The following TPD52L1 variants were observed in gnomAD, a reference collection of about 807,000 sequenced individuals.
TPD52L1 encodes the protein tumor protein D53.
TPD52L1 carries 18 observed loss-of-function variants against 28.7 expected under a neutral mutation model. The observed-to-expected ratio is 0.63, with a 90% CI of 0.43 to 0.93. TPD52L1 has a LOEUF of 0.93. Among genes scored for constraint, TPD52L1 ranks in the 40% least tolerant of loss-of-function variants. The probability of loss-of-function intolerance (pLI) is 0.00; values close to 1 mark genes in which losing one functional copy is unlikely to be tolerated. For missense variants in TPD52L1, 203 were observed against 254.8 expected (o/e 0.80, Z 1.39); for synonymous variants, 75 against 88.8 (o/e 0.84, Z 0.88).
intron 1 of TPD52L1, among the ~76,000 whole-genome samples, chr6:125,176,022 G>A (rs148004806): frequency 4.6e-5 from 7 of 152,158 alleles, no homozygotes; most frequent in African/African-American, 1.2e-4. Flanking sequence ...CAATGTAGCC[G>A]AATCCCATGG....
chr6:125,172,149 TTTCTTTC>T (rs1341872667), intron 1 of TPD52L1, among the ~76,000 whole-genome samples: 2 of 69,268 alleles, frequency 2.9e-5, no homozygotes, highest in Non-Finnish European at 5.2e-5. Flanking sequence ...TCTTTCTTTC[TTTCTTTC>T]TTTTCTTTCT....
chr6:125,198,064 T>C (rs1475425355), intron 1 of TPD52L1, among the ~76,000 whole-genome samples: 1 of 152,180 alleles, frequency 6.6e-6, no homozygotes, highest in Non-Finnish European at 1.5e-5. Flanking sequence ...TACCCTGGGC[T>C]TCAAGCCAAG....
rs1294850441 is a variant in TPD52L1, at chr6:125,253,773, T to G, written c.425+18T>G. ...GCTATGAGGTAATGTGTGTAAAATA[T>G]TTTATGTAATATTAATATGAAATGT... On this transcript the variant is annotated intron_variant, in intron 5 of 6. Transcript: ENST00000534000. The G allele has an allele frequency of 6.3e-7, 1 of 1,589,846 alleles. No individual in the cohort carries two copies. The highest frequency in any genetic ancestry group is 2.2e-5 in the East Asian group (1 of 44,764).
chr6:125,157,447 A>G (rs969119155), intron 1 of TPD52L1, among the ~76,000 whole-genome samples: 1 of 152,210 alleles, frequency 6.6e-6, no homozygotes. Context: ...CTAAACAGGA[A>G]GTGGGATTAT....
At chr6:125,172,534 A>AT (rs1562214386) in intron 1 of TPD52L1, among the ~76,000 whole-genome samples, 66 of 90,948 alleles carry the variant, frequency 7.3e-4, no homozygotes, top group Non-Finnish European at 1.0e-3. Context: ...ATATATATAT[A>AT]TATATATATA....
At chr6:125,212,611 AT>A (rs1382931733) in intron 1 of TPD52L1, among the ~76,000 whole-genome samples, 1 of 152,224 alleles carries the variant, frequency 6.6e-6, no homozygotes, top group Non-Finnish European at 1.5e-5. Flanking sequence ...ACTTGCCAAG[AT>A]TTTGCCTACA....
At chr6:125,178,654 AC>A (rs1288600609) in intron 1 of TPD52L1, among the ~76,000 whole-genome samples, 1 of 120,360 alleles carries the variant, frequency 8.3e-6, no homozygotes, top group Non-Finnish European at 1.8e-5. Flanking sequence ...ACAAAACAAA[AC>A]AAAATATATA....
chr6:125,250,672 T>C (rs1459393116), intron 4 of TPD52L1, among the ~76,000 whole-genome samples: 2 of 152,226 alleles, frequency 1.3e-5, no homozygotes, highest in Non-Finnish European at 2.9e-5. Flanking sequence ...GTTTCACATA[T>C]GCAATATGTT....
intron 1 of TPD52L1, among the ~76,000 whole-genome samples, chr6:125,219,476 A>G (rs1795086715): frequency 6.6e-6 from 1 of 152,164 alleles, no homozygotes; most frequent in African/African-American, 2.4e-5. Context: ...TCTAACCTCA[A>G]GGTTGTTGTG....
At chr6:125,156,301 C>CA (rs1433159506) in intron 1 of TPD52L1, among the ~76,000 whole-genome samples, 1 of 151,606 alleles carries the variant, frequency 6.6e-6, no homozygotes, top group Non-Finnish European at 1.5e-5. Flanking sequence ...CTCATCTCTA[C>CA]AAAAAATAAA....
intron 1 of TPD52L1, among the ~76,000 whole-genome samples, chr6:125,154,853 C>T (rs1291902168): frequency 3.3e-5 from 5 of 152,086 alleles, no homozygotes; most frequent in Non-Finnish European, 7.4e-5. Flanking sequence ...GGAGTTCAGC[C>T]TTTAAGGCAA....
At chr6:125,173,151 TTGTG>T (rs879857661) in intron 1 of TPD52L1, among the ~76,000 whole-genome samples, 7 of 152,000 alleles carry the variant, frequency 4.6e-5, no homozygotes, top group Non-Finnish European at 8.8e-5. Flanking sequence ...TGCTGTGTGT[TTGTG>T]TGTGTGTGAG....
intron 2 of TPD52L1, among the ~76,000 whole-genome samples, chr6:125,228,744 T>C (rs1304673765): frequency 6.6e-6 from 1 of 152,170 alleles, no homozygotes; most frequent in Admixed American, 6.5e-5. Context: ...AGAAAACCAA[T>C]TTTTGTTCAA....
chr6:125,156,798 A>T (rs1392608147), intron 1 of TPD52L1, among the ~76,000 whole-genome samples: 4 of 152,164 alleles, frequency 2.6e-5, no homozygotes, highest in Non-Finnish European at 5.9e-5. Context: ...GAGAATAACA[A>T]CAAAAAAACT....
chr6:125,258,348 C>T (rs1297742006), intron 6 of TPD52L1, among the ~76,000 whole-genome samples: 1 of 152,092 alleles, frequency 6.6e-6, no homozygotes, highest in African/African-American at 2.4e-5. Flanking sequence ...GTACAGGAAC[C>T]AATGGGAGCC....
At chr6:125,189,529 C>T (rs945501285) in intron 1 of TPD52L1, among the ~76,000 whole-genome samples, 2 of 152,184 alleles carry the variant, frequency 1.3e-5, no homozygotes, top group African/African-American at 4.8e-5. Flanking sequence ...GTATAAGACA[C>T]ATTTTTAGAT....
chr6:125,197,729 G>T (rs1321702304), intron 1 of TPD52L1, among the ~76,000 whole-genome samples: 2 of 152,092 alleles, frequency 1.3e-5, no homozygotes, highest in Non-Finnish European at 2.9e-5. Context: ...AGAGGTGAGG[G>T]GTTGCCCCAT....
intron 3 of TPD52L1, chr6:125,234,455 A>G (rs928281260): frequency 6.6e-6 from 1 of 152,196 alleles, no homozygotes; most frequent in African/African-American, 2.4e-5. Context: ...TGAAGCATAT[A>G]CTTTCAACGT....
chr6:125,153,994 A>G (rs1441552179), intron 1 of TPD52L1, 24 bp downstream of exon 1: 1 of 1,601,760 alleles, frequency 6.2e-7, no homozygotes, highest in Non-Finnish European at 8.5e-7. Flanking sequence ...GATCGCCCCG[A>G]GAGTCAGGTC....
Sources: gnomAD v4.1 joint callset for allele counts (sites outside exome capture counted in the v4.1 genomes callset) on GRCh38, gnomAD v4.1.1 for gene constraint, MANE v1.5 for transcripts, NCBI Gene and HGNC (gene_info 2026-07-23, HGNC 2026-07-21) for gene names.